CALD1: variants seen among roughly 807,000 people sequenced by gnomAD.
The protein encoded by CALD1 is caldesmon.
A neutral mutation model predicts 99.9 loss-of-function variants in CALD1; 33 were observed. The ratio of observed to expected loss-of-function variants is 0.33; its 90% CI spans 0.25 to 0.44. CALD1 has a LOEUF of 0.44. CALD1 is among the 20% of genes least tolerant of loss of function. The pLI, the probability that CALD1 is intolerant of heterozygous loss-of-function variation, is 1.00. For missense variants in CALD1, 861 were observed against 962.1 expected (o/e 0.89, Z 1.39); for synonymous variants, 310 against 325.0 (o/e 0.95, Z 0.50).
chr7:134,784,655 T>A (rs1451434844), intron 1 of CALD1, among the ~76,000 whole-genome samples: 5 of 152,148 alleles, frequency 3.3e-5, no homozygotes, highest in African/African-American at 1.2e-4. Context: ...CAAACTTTGG[T>A]AGCTCAAGTA....
At chr7:134,845,754 A>C (rs1287057560) in intron 2 of CALD1, among the ~76,000 whole-genome samples, 1 of 152,030 alleles carries the variant, frequency 6.6e-6, no homozygotes, top group Non-Finnish European at 1.5e-5. Context: ...GGAGAGGAGC[A>C]GTGGCTTAAA....
chr7:134,925,777 G>C (rs1804965974), intron 3 of CALD1, among the ~76,000 whole-genome samples: 1 of 152,140 alleles, frequency 6.6e-6, no homozygotes, highest in Non-Finnish European at 1.5e-5. Context: ...GGGACACAAA[G>C]CCTAACCCTA....
chr7:134,734,439 C>T, the CALD1 span, among the ~76,000 whole-genome samples: 22 of 152,278 alleles, frequency 1.4e-4, no homozygotes, highest in Admixed American at 1.1e-3. Flanking sequence ...CAAGTGCACA[C>T]ATGGTGAGAC....
chr7:134,970,708 T>G lies in CALD1; in HGVS notation c.*2363T>G, dbSNP rs1808989037. The G allele has an allele frequency of 6.6e-6, 1 of 152,364 alleles. No homozygotes were observed. The highest frequency in any genetic ancestry group is 1.5e-5 in the Non-Finnish European group (1 of 68,036). 9.4% of individuals were successfully genotyped at this position (152,364 alleles called of 1,614,324 possible). A position where few individuals can be genotyped will look rare whatever the true frequency, so the allele number is the denominator to read the frequency against. On this transcript the variant is annotated 3_prime_UTR_variant, in exon 15 of 15. Transcript: ENST00000361675. ...AGAGGTATGTCTATTATAATAAAGA[T>G]TATGGCACAGTAAAACCTGTATTTC...
At chr7:134,876,623 G>A (rs773160729) in intron 3 of CALD1, among the ~76,000 whole-genome samples, 38 of 152,072 alleles carry the variant, frequency 2.5e-4, no homozygotes, top group Non-Finnish European at 4.4e-4. Context: ...TTGTCAACAA[G>A]GACAAAAAAA....
Position 134,794,299 on chromosome 7 carries a change from C to T in CALD1, c.-130+14550C>T, listed in dbSNP as rs536074024. Among the ~76,000 whole-genome samples the T allele has an allele frequency of 3.9e-5, 6 of 152,302 alleles. No individual in the cohort carries two copies. The East Asian group carries it at 7.7e-4, about 20-fold the overall frequency. Reference sequence around the variant, plus strand: ...TATGTGTCTAGGCTCGCACGGGATGCATTTCCTATAGGTGTACCTATGTAC... The same window carrying T: ...TATGTGTCTAGGCTCGCACGGGATGTATTTCCTATAGGTGTACCTATGTAC... On this transcript the variant is annotated intron_variant, in intron 1 of 14. Coordinates refer to ENST00000361675, the MANE Select transcript of CALD1 (RefSeq NM_033138.4).
intron 1 of CALD1, among the ~76,000 whole-genome samples, chr7:134,825,691 T>C (rs1798959910): frequency 6.6e-6 from 1 of 152,170 alleles, no homozygotes; most frequent in Non-Finnish European, 1.5e-5. Context: ...CATCACATAA[T>C]AACCCAAGGT....
chr7:134,893,648 G>T (rs1011760407), intron 3 of CALD1, among the ~76,000 whole-genome samples: 1 of 152,048 alleles, frequency 6.6e-6, no homozygotes, highest in Non-Finnish European at 1.5e-5. Context: ...GTTCTGCAAG[G>T]CCCTGATCAA....
chr7:134,968,820 C>A lies in CALD1; in HGVS notation c.*475C>A. The stretch of plus-strand genomic sequence containing the variant: ...CAATTGTAACACTTTTTGAAAGTAA[C>A]CCATTTCAGATTTGAAATACTGCAA... On this transcript the variant is annotated 3_prime_UTR_variant, in exon 15 of 15. Transcript: ENST00000361675. 2 of 193,814 alleles carry A rather than the reference C, an allele frequency of 1.0e-5. No individual in the cohort carries two copies. Among genetic ancestry groups the A allele is most frequent in the East Asian group, 1.1e-4 (1 of 9,328 alleles). 12.0% of individuals were successfully genotyped at this position (193,814 alleles called of 1,614,324 possible).
intron 3 of CALD1, among the ~76,000 whole-genome samples, chr7:134,916,364 A>C (rs1744159530): frequency 6.6e-6 from 1 of 152,160 alleles, no homozygotes; most frequent in Non-Finnish European, 1.5e-5. Context: ...AGGCAATGCC[A>C]CTCGAGTGGA....
chr7:134,914,708 T>C (rs1296556394), intron 3 of CALD1, among the ~76,000 whole-genome samples: 1 of 152,222 alleles, frequency 6.6e-6, no homozygotes, highest in Non-Finnish European at 1.5e-5. Flanking sequence ...ATTTGAGCTT[T>C]CTGTACATGG....
rs1276148042 is a variant in CALD1, at chr7:134,867,679, C to T, written c.-41-14C>T. The T allele has an allele frequency of 2.9e-6, 3 of 1,040,192 alleles. No individual in the cohort carries two copies. In the Admixed American group the frequency reaches 5.9e-5, roughly 21 times the overall value. The allele number at this position is 1,040,192 out of a possible 1,614,324, so 64.4% of individuals were successfully genotyped here. A position where few individuals can be genotyped will look rare whatever the true frequency, so the allele number is the denominator to read the frequency against. The stretch of plus-strand genomic sequence containing the variant: ...GAGTTATCAATGATATTGACTCTAC[C>T]TCCTCTCTTTCAGGTCCAGACATCA... On this transcript the variant is annotated splice_polypyrimidine_tract_variant and intron_variant, in intron 2 of 14. Coordinates refer to ENST00000361675, the MANE Select transcript of CALD1 (RefSeq NM_033138.4).
chr7:134,926,679 C>A (rs867338559), intron 3 of CALD1, among the ~76,000 whole-genome samples: 2 of 152,174 alleles, frequency 1.3e-5, no homozygotes, highest in African/African-American at 2.4e-5. Context: ...ACTTACAACT[C>A]TAACATGAGC....
At chr7:134,848,129 C>T (rs1236778777) in intron 2 of CALD1, among the ~76,000 whole-genome samples, 1 of 151,664 alleles carries the variant, frequency 6.6e-6, no homozygotes, top group African/African-American at 2.4e-5. Context: ...ATTTTCCTTC[C>T]TACTATTCTC....
Position 134,884,648 on chromosome 7 carries a change from G to A in CALD1, c.71+16844G>A, listed in dbSNP as rs1187558206. Among the ~76,000 whole-genome samples, 133 of 124,526 alleles carry A rather than the reference G, an allele frequency of 1.1e-3. 1 individual carries two copies. The highest frequency in any genetic ancestry group is 3.3e-3 in the African/African-American group (117 of 35,190). 81.7% of individuals were successfully genotyped at this position (124,526 alleles called of 152,430 possible). A position where few individuals can be genotyped will look rare whatever the true frequency, so the allele number is the denominator to read the frequency against. ...TATGAATACTCCAAAAAAAAAAAAA[G>A]GCCAATCTTTAGAAACCTTTGGAAA... On this transcript the variant is annotated intron_variant, in intron 3 of 14. Transcript: ENST00000361675.
At chr7:134,813,367 T>C (rs1798430063) in intron 1 of CALD1, among the ~76,000 whole-genome samples, 3 of 152,174 alleles carry the variant, frequency 2.0e-5, no homozygotes, top group African/African-American at 7.2e-5. Context: ...CATGCTTGTA[T>C]GATGATGAGA....
At chr7:134,911,684 T>G (rs941988594) in intron 3 of CALD1, among the ~76,000 whole-genome samples, 1 of 152,226 alleles carries the variant, frequency 6.6e-6, no homozygotes. Context: ...AGTTCACCTC[T>G]TATTCAGGTA....
At chr7:134,828,710 T>C (rs1799104396) in intron 1 of CALD1, among the ~76,000 whole-genome samples, 1 of 152,172 alleles carries the variant, frequency 6.6e-6, no homozygotes, top group South Asian at 2.1e-4. Context: ...GATTCAACTA[T>C]TACCAAAAAA....
intron 3 of CALD1, among the ~76,000 whole-genome samples, chr7:134,889,692 C>A (rs2132490698): frequency 6.6e-6 from 1 of 152,270 alleles, no homozygotes. Flanking sequence ...AAACTCAGGA[C>A]AAGTCAGTGT....
Sources: gnomAD v4.1 joint callset for allele counts (sites outside exome capture counted in the v4.1 genomes callset) on GRCh38, gnomAD v4.1.1 for gene constraint, MANE v1.5 for transcripts, NCBI Gene and HGNC (gene_info 2026-07-23, HGNC 2026-07-21) for gene names.